Variants in RAB3C observed in about 807,000 individuals in gnomAD.
The protein encoded by RAB3C is ras-related protein Rab-3C.
In RAB3C, 17 loss-of-function variants were observed where a neutral mutation model predicts 26.4. The observed-to-expected ratio is 0.64, with a 90% CI of 0.44 to 0.97. RAB3C has a LOEUF of 0.97. Among genes scored for constraint, RAB3C ranks in the 50% least tolerant of loss-of-function variants. The pLI is 0.00. For synonymous variants in RAB3C, 91 were observed against 95.9 expected, an observed-to-expected ratio of 0.95 and a Z score of 0.30; for missense variants, 242 against 281.9, an observed-to-expected ratio of 0.86 and a Z score of 1.01.
intron 3 of RAB3C, among the ~76,000 whole-genome samples, chr5:58,730,479 G>A (rs1217956508): frequency 6.6e-6 from 1 of 151,990 alleles, no homozygotes; most frequent in Non-Finnish European, 1.5e-5. Context: ...AGGAAATAAG[G>A]TATTCTGAAA....
At chr5:58,758,076 G>A (rs1480378104) in intron 3 of RAB3C, among the ~76,000 whole-genome samples, 1 of 152,054 alleles carries the variant, frequency 6.6e-6, no homozygotes, top group Non-Finnish European at 1.5e-5. Context: ...CAAGTAGCTG[G>A]GACTACAGGT....
intron 3 of RAB3C, among the ~76,000 whole-genome samples, chr5:58,749,816 C>G (rs1241659993): frequency 6.6e-6 from 1 of 152,056 alleles, no homozygotes; most frequent in Non-Finnish European, 1.5e-5. Flanking sequence ...AGCCTTGCAG[C>G]TATTTTAGTA....
Position 58,697,620 on chromosome 5 carries a change from A to C in RAB3C, c.253-28382A>C, listed in dbSNP as rs577261659. On this transcript the variant is annotated intron_variant, in intron 2 of 4. Coordinates refer to ENST00000282878, the MANE Select transcript of RAB3C (RefSeq NM_138453.4). ...ATCTGGGTGCTCCTGTATTGGGTGCATATATATTTAGGATAGTTAGCTCTT... is the reference window on the plus strand; with the variant it reads ...ATCTGGGTGCTCCTGTATTGGGTGCCTATATATTTAGGATAGTTAGCTCTT... Among the ~76,000 whole-genome samples, 7 of 152,300 alleles carry C rather than the reference A, an allele frequency of 4.6e-5. No homozygotes were observed. The South Asian group carries it at 1.0e-3, about 23-fold the overall frequency.
At position 58,627,518 on chromosome 5, in the gene RAB3C, A is replaced by C. The variant is rs867199635; in HGVS notation, c.252+9648A>C. ...AAAAAAAAAAAAAAAAAAAAAAAAA[A>C]ACACAGCTTAAATTCGGTGCAAATT... On this transcript the variant is annotated intron_variant, in intron 2 of 4. Transcript: ENST00000282878. 2.7e-3 allele frequency among the ~76,000 whole-genome samples: 365 copies of C among 136,822 alleles called. 65 individuals carry two copies. Among genetic ancestry groups the C allele is most frequent in the African/African-American group, 8.2e-3 (313 of 37,994 alleles). The allele number at this position is 136,822 out of a possible 152,430, so 89.8% of individuals were successfully genotyped here.
rs763514724 is a variant in RAB3C at position 58,851,170 on chromosome 5, A to G, written c.503A>G (p.Glu168Gly). 2.5e-6 allele frequency: 4 copies of G among 1,592,188 alleles called. No individual in the cohort carries two copies. In the South Asian group the frequency reaches 4.6e-5, roughly 18 times the overall value. Residue 168 changes from glutamate (E) to glycine (G), a missense_variant, in exon 5 of 5, where the codon GAG becomes GGG. Physicochemically the swap from Glu to Gly is moderately conservative, Grantham distance 98. Coordinates refer to ENST00000282878, the MANE Select transcript of RAB3C (RefSeq NM_138453.4). ...TTCTGTGTGTTTCTTCCAGGGTTTG[A>G]GTTTTTTGAAACAAGTGCCAAGGAC... ...GQHLGEQLGF[E>G]FFETSAKDNI...
chr5:58,788,009 T>G (rs200776629), intron 3 of RAB3C, among the ~76,000 whole-genome samples: 1 of 152,174 alleles, frequency 6.6e-6, no homozygotes, highest in South Asian at 2.1e-4. Flanking sequence ...ACCACAGAAA[T>G]GCAGGTTGGA....
chr5:58,720,444 T>C (rs954411143), intron 2 of RAB3C, among the ~76,000 whole-genome samples: 2 of 151,930 alleles, frequency 1.3e-5, no homozygotes, highest in Non-Finnish European at 2.9e-5. Flanking sequence ...TCTTTAATGA[T>C]TCAAAACATT....
intron 2 of RAB3C, among the ~76,000 whole-genome samples, chr5:58,644,671 CCTAA>C (rs1747479868): frequency 6.6e-6 from 1 of 152,184 alleles, no homozygotes; most frequent in African/African-American, 2.4e-5. Flanking sequence ...ATGTTCCCAT[CCTAA>C]CTATTTCTCC....
intron 2 of RAB3C, among the ~76,000 whole-genome samples, chr5:58,619,768 A>G (rs1250289786): frequency 6.6e-6 from 1 of 152,126 alleles, no homozygotes; most frequent in Non-Finnish European, 1.5e-5. Flanking sequence ...TTCAATGTAA[A>G]TCAGATATAT....
At chr5:58,651,068 G>A (rs1441710372) in intron 2 of RAB3C, among the ~76,000 whole-genome samples, 1 of 152,220 alleles carries the variant, frequency 6.6e-6, no homozygotes, top group African/African-American at 2.4e-5. Flanking sequence ...TCACTGACAT[G>A]AGAATATTGA....
intron 2 of RAB3C, among the ~76,000 whole-genome samples, chr5:58,715,470 A>C (rs571737821): frequency 1.3e-5 from 2 of 152,014 alleles, no homozygotes; most frequent in South Asian, 2.1e-4. Flanking sequence ...GAAGAAGAAG[A>C]ATCTTGAATA....
intron 2 of RAB3C, among the ~76,000 whole-genome samples, chr5:58,692,798 C>G (rs1748597918): frequency 6.6e-6 from 1 of 152,024 alleles, no homozygotes; most frequent in Non-Finnish European, 1.5e-5. Context: ...ATTTTATAAT[C>G]CTTTAGAGAT....
intron 3 of RAB3C, among the ~76,000 whole-genome samples, chr5:58,756,577 T>C (rs1741671846): frequency 6.9e-6 from 1 of 145,188 alleles, no homozygotes; most frequent in Admixed American, 6.9e-5. Context: ...CCTCCCTGTG[T>C]CCATGTGTTC....
At chr5:58,785,163 T>C (rs927887797) in intron 3 of RAB3C, among the ~76,000 whole-genome samples, 2 of 152,246 alleles carry the variant, frequency 1.3e-5, no homozygotes, top group Non-Finnish European at 2.9e-5. Context: ...CTCTTCATCA[T>C]TGAAGTCTTC....
At chr5:58,687,598 T>A (rs1748471399) in intron 2 of RAB3C, among the ~76,000 whole-genome samples, 2 of 152,214 alleles carry the variant, frequency 1.3e-5, no homozygotes, top group African/African-American at 4.8e-5. Flanking sequence ...AAATCACACC[T>A]AATAAATTTT....
chr5:58,850,376 C>T (rs899935016), intron 4 of RAB3C, among the ~76,000 whole-genome samples: 3 of 152,182 alleles, frequency 2.0e-5, no homozygotes, highest in African/African-American at 7.2e-5. Context: ...CAGCACCCAG[C>T]TGATAGGTGC....
intron 2 of RAB3C, 34 bp downstream of exon 2, chr5:58,617,904 C>T: frequency 7.2e-7 from 1 of 1,386,300 alleles, no homozygotes; most frequent in Non-Finnish European, 1.0e-6. Context: ...GTTCTTCAGG[C>T]TGGGGTGTTG....
intron 2 of RAB3C, among the ~76,000 whole-genome samples, chr5:58,667,197 G>C (rs536281362): frequency 6.6e-6 from 1 of 152,230 alleles, no homozygotes; most frequent in African/African-American, 2.4e-5. Context: ...ACTGAGCTTG[G>C]CAATTTGCCC....
intron 2 of RAB3C, among the ~76,000 whole-genome samples, chr5:58,661,402 CA>C (rs1451848215): frequency 6.7e-6 from 1 of 149,976 alleles, no homozygotes; most frequent in Non-Finnish European, 1.5e-5. Context: ...TGTAGCAACC[CA>C]AAGGAATTGT....
Sources: gnomAD v4.1 joint callset for allele counts (sites outside exome capture counted in the v4.1 genomes callset) on GRCh38, gnomAD v4.1.1 for gene constraint, MANE v1.5 for transcripts, NCBI Gene and HGNC (gene_info 2026-07-23, HGNC 2026-07-21) for gene names.